RBFOX3: variants seen among roughly 807,000 people sequenced by gnomAD.
RBFOX3 encodes the protein RNA binding fox-1 homolog 3, also known as RNA binding protein fox-1 homolog 3.
In RBFOX3, 17 loss-of-function variants were observed where a neutral mutation model predicts 48.7. The observed-to-expected ratio is 0.35, with a 90% CI of 0.24 to 0.52. The LOEUF (loss-of-function observed/expected upper bound fraction) is 0.52, where lower values mean the gene tolerates loss of function less well. Ranked by LOEUF, RBFOX3 falls within the 20% of genes least tolerant of loss-of-function variation. RBFOX3 has a pLI of 0.94. For missense variants in RBFOX3, 382 were observed against 497.5 expected (o/e 0.77, Z 2.21); for synonymous variants, 212 against 209.5 (o/e 1.01, Z -0.10).
chr17:79,104,343 C>T lies in RBFOX3; in HGVS notation c.361-217G>A, dbSNP rs990102953. Among the ~76,000 whole-genome samples, 12 of 152,246 alleles carry T rather than the reference C, an allele frequency of 7.9e-5. 1 individual carries two copies. The highest frequency in any genetic ancestry group is 2.9e-4 in the African/African-American group (12 of 41,540). ...AAGGCGATGGTGGGGATAGGGTGCC[C>T]AAGGCATCACCAAGAGGGTCCTTGG... On this transcript the variant is annotated intron_variant, in intron 6 of 14. Coordinates refer to ENST00000693108, the MANE Select transcript of RBFOX3 (RefSeq NM_001350451.2).
At chr17:79,373,171 A>C (rs1459829493) in intron 2 of RBFOX3, among the ~76,000 whole-genome samples, 3 of 150,862 alleles carry the variant, frequency 2.0e-5, no homozygotes, top group Non-Finnish European at 3.0e-5. Context: ...AATGCACCGG[A>C]CTCCCCCAGC....
chr17:79,358,922 T>G (rs2147218443), intron 2 of RBFOX3, among the ~76,000 whole-genome samples: 1 of 152,296 alleles, frequency 6.6e-6, no homozygotes, highest in Admixed American at 6.5e-5. Context: ...AAAGTATCCT[T>G]CCCTCTTTTC....
intron 4 of RBFOX3, among the ~76,000 whole-genome samples, chr17:79,130,159 C>T (rs2038452270): frequency 6.6e-6 from 1 of 152,298 alleles, no homozygotes; most frequent in African/African-American, 2.4e-5. Flanking sequence ...TTAATTAGGG[C>T]TGTCGGACGC....
At chr17:79,356,373 T>TTTTGTTTCTG (rs1555684871) in intron 2 of RBFOX3, among the ~76,000 whole-genome samples, 2 of 88,992 alleles carry the variant, frequency 2.2e-5, no homozygotes, top group Non-Finnish European at 4.5e-5. Flanking sequence ...TTTTTTTTTT[T>TTTTGTTTCTG]TTTTTTTTTT....
intron 4 of RBFOX3, among the ~76,000 whole-genome samples, chr17:79,144,081 C>T (rs1295656055): frequency 1.3e-5 from 2 of 152,244 alleles, no homozygotes; most frequent in Non-Finnish European, 2.9e-5. Context: ...AGGCCCGGCA[C>T]TGGCATCGAG....
the RBFOX3 span, among the ~76,000 whole-genome samples, chr17:79,655,140 GA>G: frequency 1.3e-5 from 2 of 152,202 alleles, no homozygotes; most frequent in African/African-American, 4.8e-5. Context: ...CCACTCTGCT[GA>G]GTGCTATTCT....
chr17:79,230,602 G>A (rs1384972286), intron 4 of RBFOX3, among the ~76,000 whole-genome samples: 1 of 152,202 alleles, frequency 6.6e-6, no homozygotes. Flanking sequence ...AAGAAACGCT[G>A]TGAAGCAGTC....
intron 3 of RBFOX3, among the ~76,000 whole-genome samples, chr17:79,244,287 C>A (rs533149423): frequency 2.0e-5 from 3 of 151,994 alleles, no homozygotes; most frequent in Admixed American, 6.6e-5. Flanking sequence ...CAGGCTAGGG[C>A]GCGCTGAAAA....
intron 4 of RBFOX3, 114 bp from the exon 5 acceptor site, chr17:79,115,862 T>G: frequency 3.8e-6 from 2 of 532,738 alleles, no homozygotes; most frequent in Non-Finnish European, 3.3e-6. Context: ...TCAGCAGCCT[T>G]TCCCCGGCCC....
chr17:79,115,557 G>T lies in RBFOX3; in HGVS notation c.159C>A (p.Thr53=). 7.5e-7 allele frequency: 1 copy of T among 1,341,900 alleles called. No individual in the cohort carries two copies. The allele number at this position is 1,341,900 out of a possible 1,614,324, so 83.1% of individuals were successfully genotyped here. A position where few individuals can be genotyped will look rare whatever the true frequency, so the allele number is the denominator to read the frequency against. ...CCTCGGAGCCTGGCTGCTCGGGGTG[G>T]GTCTGTGCTGGTGTGTACAGGGTCA... The part of the protein sequence containing the change: ...HGMTLYTPAQ[T]HPEQPGSEAS... Residue 53 remains threonine, a synonymous_variant, in exon 5 of 15, where the codon ACC becomes ACA. Transcript: ENST00000693108.
chr17:79,453,816 C>T (rs62061738), intron 2 of RBFOX3, among the ~76,000 whole-genome samples: 1 of 152,270 alleles, frequency 6.6e-6, no homozygotes, highest in Admixed American at 6.5e-5. Context: ...CCATGCAAAG[C>T]TGCAGCCTGA....
intron 2 of RBFOX3, among the ~76,000 whole-genome samples, chr17:79,426,688 G>A (rs2067451906): frequency 1.3e-5 from 2 of 151,376 alleles, no homozygotes; most frequent in Non-Finnish European, 2.9e-5. Context: ...TTTGGGGTGT[G>A]TGTTTTTTGT....
chr17:79,525,556 C>T (rs1241162011), intron 1 of RBFOX3, among the ~76,000 whole-genome samples: 1 of 152,166 alleles, frequency 6.6e-6, no homozygotes, highest in African/African-American at 2.4e-5. Flanking sequence ...TCTCTCTCAC[C>T]CCCATTCTAG....
At chr17:79,241,229 G>C (rs1458961080) in intron 3 of RBFOX3, among the ~76,000 whole-genome samples, 2 of 150,596 alleles carry the variant, frequency 1.3e-5, no homozygotes, top group African/African-American at 4.9e-5. Flanking sequence ...GCCCAGGTTG[G>C]TCTTGAACTC....
At chr17:79,092,393 A>C in intron 14 of RBFOX3, 1 of 985,764 alleles carries the variant, frequency 1.0e-6, no homozygotes, top group Non-Finnish European at 1.2e-6. Flanking sequence ...GGTCAAAGAC[A>C]CACACACCAG....
At chr17:79,654,679 G>A in the RBFOX3 span, among the ~76,000 whole-genome samples, 5 of 152,324 alleles carry the variant, frequency 3.3e-5, no homozygotes, top group African/African-American at 1.2e-4. Context: ...ACTTACCCAG[G>A]TAGCAGAATT....
At chr17:79,499,203 T>C (rs1348771845) in intron 1 of RBFOX3, among the ~76,000 whole-genome samples, 1 of 147,996 alleles carries the variant, frequency 6.8e-6, no homozygotes, top group Non-Finnish European at 1.5e-5. Context: ...CATCCAATCA[T>C]ACATATACCT....
At position 79,364,176 on chromosome 17, in the gene RBFOX3, C is replaced by T. The variant is rs2057395762; in HGVS notation, c.-174-56352G>A. ...GCCCAGAAGGCAGGCTCCGTGGGAA[C>T]TGGTGTTCAGCCTTCCTCTCTGCTC... On this transcript the variant is annotated intron_variant, in intron 2 of 14. Coordinates refer to ENST00000693108, the MANE Select transcript of RBFOX3 (RefSeq NM_001350451.2). The surrounding 1 kb of genome is among the most constrained non-coding windows in gnomAD (Gnocchi z 5.1). Among the ~76,000 whole-genome samples, 1 of 152,228 alleles carries T rather than the reference C, an allele frequency of 6.6e-6. No homozygotes were observed. The highest frequency in any genetic ancestry group is 6.5e-5 in the Admixed American group (1 of 15,292).
chr17:79,661,513 TG>T, the RBFOX3 span, among the ~76,000 whole-genome samples: 1 of 152,188 alleles, frequency 6.6e-6, no homozygotes, highest in Non-Finnish European at 1.5e-5. Context: ...TTGCTTGGCC[TG>T]GGTTACTTCA....
Sources: gnomAD v4.1 joint callset for allele counts (sites outside exome capture counted in the v4.1 genomes callset) on GRCh38, gnomAD v4.1.1 for gene constraint, Gnocchi (gnomAD v3.1) non-coding constraint, MANE v1.5 for transcripts, NCBI Gene and HGNC (gene_info 2026-07-23, HGNC 2026-07-21) for gene names.